VPS26C: variants seen among roughly 807,000 people sequenced by gnomAD.
VPS26C encodes VPS26 endosomal protein sorting factor C, also known as vacuolar protein sorting-associated protein 26C.
Under a neutral mutation model 30.6 loss-of-function variants are expected in VPS26C, and 19 were observed. The observed-to-expected ratio is 0.62, with a 90% CI of 0.43 to 0.91. The LOEUF (loss-of-function observed/expected upper bound fraction) is 0.91. Among genes scored for constraint, VPS26C ranks in the 40% least tolerant of loss-of-function variants. VPS26C has a pLI of 0.00. For missense variants in VPS26C, 318 were observed against 385.1 expected (o/e 0.83, Z 1.46); for synonymous variants, 132 against 151.5 (o/e 0.87, Z 0.95).
chr21:37,236,907 T>C (rs1163143456), intron 3 of VPS26C, among the ~76,000 whole-genome samples: 1 of 152,232 alleles, frequency 6.6e-6, no homozygotes, highest in Non-Finnish European at 1.5e-5. Flanking sequence ...GCCTCCAATG[T>C]ACACACAGCT....
At chr21:37,236,676 A>G (rs773709528) in intron 3 of VPS26C, among the ~76,000 whole-genome samples, 1 of 152,240 alleles carries the variant, frequency 6.6e-6, no homozygotes, top group Non-Finnish European at 1.5e-5. Flanking sequence ...CTGAATGACA[A>G]TAAGTGTGAT....
chr21:37,251,168 C>T (rs2154540), intron 1 of VPS26C, among the ~76,000 whole-genome samples: 22,638 of 152,142 alleles, frequency 0.15, 2,118 homozygotes, highest in Non-Finnish European at 0.21. Flanking sequence ...AACCTCGTGC[C>T]GGCTATTTGG....
intron 3 of VPS26C, among the ~76,000 whole-genome samples, chr21:37,237,168 T>G (rs2086034360): frequency 6.6e-6 from 1 of 152,196 alleles, no homozygotes; most frequent in South Asian, 2.1e-4. Flanking sequence ...TTAAACAAAT[T>G]CATCTTCTTT....
intron 1 of VPS26C, among the ~76,000 whole-genome samples, chr21:37,242,228 T>C (rs868571425): frequency 6.6e-6 from 1 of 152,268 alleles, no homozygotes. Context: ...TCCTGTGAAG[T>C]AACTTAAATT....
At chr21:37,246,083 TC>T (rs138814236) in intron 1 of VPS26C, among the ~76,000 whole-genome samples, 3,010 of 151,968 alleles carry the variant, frequency 0.02, 99 homozygotes, top group African/African-American at 0.069. Context: ...CTAATTAAGT[TC>T]CAAATAAGAA....
intron 1 of VPS26C, among the ~76,000 whole-genome samples, chr21:37,250,147 T>A (rs1029721716): frequency 2.6e-5 from 4 of 151,914 alleles, no homozygotes; most frequent in African/African-American, 7.3e-5. Flanking sequence ...CTACTAAAAA[T>A]ACAAAAAATT....
At chr21:37,232,092 G>A in intron 5 of VPS26C, 1 of 418,530 alleles carries the variant, frequency 2.4e-6, no homozygotes, top group Non-Finnish European at 4.3e-6. Flanking sequence ...ATGGGCAGCA[G>A]GGGGTCTTGG....
rs1569232427 is a variant in VPS26C at position 37,232,447 on chromosome 21, T to TGAGGGAAAAC, written c.436_437insGTTTTCCCTC (p.Gln146ArgfsTer20). The TGAGGGAAAAC allele has an allele frequency of 1.2e-6, 2 of 1,614,140 alleles. No homozygotes were observed. On this transcript the variant is annotated frameshift_variant, in exon 5 of 8. Coordinates refer to ENST00000309117, the MANE Select transcript of VPS26C (RefSeq NM_006052.2). LOFTEE classifies it high-confidence loss of function. ...GGGACTGGGAGTAAACTTCCCCTTC[T>TGAGGGAAAAC]GAGGCTAAAACGAGAGGTGAAACCG...
intron 1 of VPS26C, among the ~76,000 whole-genome samples, chr21:37,245,483 C>T (rs576861057): frequency 2.0e-5 from 3 of 152,262 alleles, no homozygotes; most frequent in South Asian, 2.1e-4. Flanking sequence ...CTGCAGGACT[C>T]GGTTCCGTGA....
intron 1 of VPS26C, among the ~76,000 whole-genome samples, chr21:37,248,713 T>TAA (rs558050794): frequency 1.0e-5 from 1 of 98,100 alleles, no homozygotes; most frequent in South Asian, 3.1e-4. Flanking sequence ...GCAACGAACT[T>TAA]AAAAAAAAAA....
chr21:37,265,729 G>A (rs887382615), intron 1 of VPS26C, among the ~76,000 whole-genome samples: 5 of 151,810 alleles, frequency 3.3e-5, no homozygotes, highest in African/African-American at 9.7e-5. Flanking sequence ...GAACTGATAC[G>A]GATTAAACAT....
chr21:37,240,221 C>A (rs934355606), intron 2 of VPS26C, among the ~76,000 whole-genome samples: 7 of 152,248 alleles, frequency 4.6e-5, no homozygotes, highest in Admixed American at 4.6e-4. Flanking sequence ...TTCCTGGGCT[C>A]AAGGGATCCT....
At chr21:37,239,001 G>A (rs59112303) in intron 2 of VPS26C, among the ~76,000 whole-genome samples, 2,287 of 152,222 alleles carry the variant, frequency 0.015, 159 homozygotes, top group Admixed American at 0.12. Flanking sequence ...ACCGAGCCCC[G>A]TGCTCTTCTG....
chr21:37,254,573 G>A (rs1209726448), intron 1 of VPS26C, among the ~76,000 whole-genome samples: 2 of 152,208 alleles, frequency 1.3e-5, no homozygotes, highest in Admixed American at 6.5e-5. Context: ...CACTTTGGGA[G>A]GCTGGGGCAG....
At chr21:37,243,095 T>A (rs995108969) in intron 1 of VPS26C, among the ~76,000 whole-genome samples, 4 of 152,118 alleles carry the variant, frequency 2.6e-5, no homozygotes, top group Non-Finnish European at 4.4e-5. Flanking sequence ...TACACAATGC[T>A]TGATTGATCC....
intron 1 of VPS26C, among the ~76,000 whole-genome samples, chr21:37,248,477 A>G (rs1457786740): frequency 6.6e-6 from 1 of 152,184 alleles, no homozygotes; most frequent in Non-Finnish European, 1.5e-5. Context: ...ACACTATTCA[A>G]CTGTATATAA....
chr21:37,235,200 T>C (rs1012304302), intron 3 of VPS26C, among the ~76,000 whole-genome samples: 2 of 152,196 alleles, frequency 1.3e-5, no homozygotes, highest in Non-Finnish European at 2.9e-5. Context: ...GAGATGGGGT[T>C]TCACCATGTT....
chr21:37,257,140 A>G lies in VPS26C; in HGVS notation c.57+10098T>C, dbSNP rs545376694. Among the ~76,000 whole-genome samples the G allele has an allele frequency of 3.9e-5, 6 of 152,356 alleles. No individual in the cohort carries two copies. In the South Asian group the frequency reaches 1.0e-3, roughly 26 times the overall value. On this transcript the variant is annotated intron_variant, in intron 1 of 7. Transcript: ENST00000309117. The surrounding 1 kb of genome is among the most constrained non-coding windows in gnomAD (Gnocchi z 4.2). ...GAGTGAGGCTCTGTCTCAAAAAAAC[A>G]AAACACAAAAAAACAAACAAAAAAA...
intron 1 of VPS26C, among the ~76,000 whole-genome samples, chr21:37,255,742 G>C (rs948059648): frequency 3.3e-5 from 5 of 151,946 alleles, no homozygotes; most frequent in Admixed American, 6.6e-5. Context: ...GGAGGAAAAT[G>C]GCAGAAACTA....
Sources: gnomAD v4.1 joint callset for allele counts (sites outside exome capture counted in the v4.1 genomes callset) on GRCh38, gnomAD v4.1.1 for gene constraint, Gnocchi (gnomAD v3.1) non-coding constraint, MANE v1.5 for transcripts, NCBI Gene and HGNC (gene_info 2026-07-23, HGNC 2026-07-21) for gene names.